Variants in JAZF1 observed in about 807,000 individuals in gnomAD.
JAZF1 encodes the protein juxtaposed with another zinc finger protein 1.
Under a neutral mutation model 26.4 loss-of-function variants are expected in JAZF1, and 8 were observed. The observed-to-expected ratio is 0.30, with a 90% CI of 0.18 to 0.55. The LOEUF is 0.55. JAZF1 is among the 20% of genes least tolerant of loss of function. The probability of loss-of-function intolerance (pLI) is 0.94; values close to 1 mark genes in which losing one functional copy is unlikely to be tolerated. For synonymous variants in JAZF1, 126 were observed against 122.3 expected (o/e 1.03, Z -0.20); for missense variants, 199 against 322.0 (o/e 0.62, Z 2.92).
intron 2 of JAZF1, among the ~76,000 whole-genome samples, chr7:27,900,491 A>C (rs928326185): frequency 2.6e-5 from 4 of 152,210 alleles, no homozygotes; most frequent in African/African-American, 9.6e-5. Flanking sequence ...GGTAGCTTGA[A>C]ATTGGCTATG....
intron 1 of JAZF1, among the ~76,000 whole-genome samples, chr7:28,134,624 T>C (rs1363250070): frequency 1.5e-5 from 2 of 137,518 alleles, no homozygotes; most frequent in African/African-American, 5.5e-5. Context: ...CTATCATTGT[T>C]TTAAATTTAC....
chr7:28,110,577 G>GGGAAAA (rs1413234631), intron 1 of JAZF1, among the ~76,000 whole-genome samples: 1 of 114,150 alleles, frequency 8.8e-6, no homozygotes, highest in Non-Finnish European at 1.7e-5. Context: ...AAAAGGGAAA[G>GGGAAAA]GGAAAAGGAA....
At chr7:28,155,946 A>AC (rs1227951228) in intron 1 of JAZF1, among the ~76,000 whole-genome samples, 1 of 152,218 alleles carries the variant, frequency 6.6e-6, no homozygotes, top group Non-Finnish European at 1.5e-5. Context: ...CCTACCTGAT[A>AC]AGGTGTCTAT....
At chr7:28,000,838 C>T (rs180899320) in intron 1 of JAZF1, among the ~76,000 whole-genome samples, 2 of 151,930 alleles carry the variant, frequency 1.3e-5, no homozygotes, top group Admixed American at 6.6e-5. Flanking sequence ...AGAGTGTTCT[C>T]GAACTCCTGG....
chr7:27,934,933 C>T (rs1784744180), intron 2 of JAZF1, among the ~76,000 whole-genome samples: 2 of 152,084 alleles, frequency 1.3e-5, no homozygotes, highest in Non-Finnish European at 2.9e-5. Context: ...AATAGGAGAA[C>T]ATATTTGCAA....
chr7:28,148,004 T>C (rs550731323), intron 1 of JAZF1, among the ~76,000 whole-genome samples: 2 of 152,160 alleles, frequency 1.3e-5, no homozygotes, highest in Admixed American at 6.5e-5. Context: ...TTTATCCCCA[T>C]GCAACTGGGT....
chr7:27,946,941 C>T (rs957996733), intron 2 of JAZF1, among the ~76,000 whole-genome samples: 1 of 151,938 alleles, frequency 6.6e-6, no homozygotes, highest in Admixed American at 6.6e-5. Context: ...ATGCTACTGC[C>T]CTAAAGAAAA....
chr7:28,022,694 A>C (rs1783026157), intron 1 of JAZF1, among the ~76,000 whole-genome samples: 1 of 152,188 alleles, frequency 6.6e-6, no homozygotes, highest in Admixed American at 6.5e-5. Context: ...AAATGGAGTC[A>C]GTCTTATCTT....
chr7:27,905,229 G>A (rs963655058), intron 2 of JAZF1, among the ~76,000 whole-genome samples: 2 of 152,160 alleles, frequency 1.3e-5, no homozygotes, highest in Non-Finnish European at 2.9e-5. Context: ...CTCCCAAAGT[G>A]CTAGGATTAC....
intron 2 of JAZF1, among the ~76,000 whole-genome samples, chr7:27,969,887 A>G (rs963779280): frequency 3.3e-5 from 5 of 152,122 alleles, no homozygotes; most frequent in African/African-American, 9.7e-5. Context: ...GCATCTTTTT[A>G]CCTTTGTATC....
rs182597725 is a variant in JAZF1 at position 28,067,913 on chromosome 7, T to C, written c.116-75932A>G. ...TCTCCTTCTGCTTCTAAGTAGTTTT[T>C]TTCGTTTGTTTGTTTTTGAGACAGA... On this transcript the variant is annotated intron_variant, in intron 1 of 4. Transcript: ENST00000283928. Among the ~76,000 whole-genome samples, 14 of 152,274 alleles carry C rather than the reference T, an allele frequency of 9.2e-5. 1 individual carries two copies. The East Asian group carries it at 1.9e-3, about 21-fold the overall frequency.
chr7:28,083,604 C>A (rs937317290), intron 1 of JAZF1, among the ~76,000 whole-genome samples: 2 of 152,090 alleles, frequency 1.3e-5, no homozygotes, highest in Non-Finnish European at 2.9e-5. Context: ...ATATGAAGTG[C>A]CAAGAGTGCT....
At chr7:28,119,294 T>A (rs1049268172) in intron 1 of JAZF1, among the ~76,000 whole-genome samples, 2 of 152,146 alleles carry the variant, frequency 1.3e-5, no homozygotes, top group African/African-American at 4.8e-5. Context: ...TGCCCTTATA[T>A]CATATCTAAG....
intron 1 of JAZF1, among the ~76,000 whole-genome samples, chr7:28,081,001 A>C (rs1784128567): frequency 1.3e-5 from 2 of 152,136 alleles, no homozygotes; most frequent in South Asian, 4.1e-4. Context: ...GTAGGGGGGA[A>C]GGGAGGGCAT....
chr7:28,086,944 C>T (rs917924861), intron 1 of JAZF1, among the ~76,000 whole-genome samples: 13 of 152,170 alleles, frequency 8.5e-5, no homozygotes, highest in Non-Finnish European at 1.9e-4. Context: ...GGAAATTTTC[C>T]TACCATTCAG....
chr7:27,979,305 T>C (rs1046575500), intron 2 of JAZF1, among the ~76,000 whole-genome samples: 3 of 151,260 alleles, frequency 2.0e-5, no homozygotes, highest in African/African-American at 7.3e-5. Flanking sequence ...TATGTTATTT[T>C]AATAAAAGCA....
chr7:28,019,262 C>T (rs1263835764), intron 1 of JAZF1, among the ~76,000 whole-genome samples: 1 of 152,180 alleles, frequency 6.6e-6, no homozygotes, highest in East Asian at 1.9e-4. Flanking sequence ...CACTGTACCT[C>T]CTGCCTTGCT....
At chr7:27,874,257 A>G (rs1258667448) in intron 3 of JAZF1, among the ~76,000 whole-genome samples, 1 of 152,242 alleles carries the variant, frequency 6.6e-6, no homozygotes, top group Non-Finnish European at 1.5e-5. Flanking sequence ...AGGCTGGGAA[A>G]ATCCCCAGGG....
At chr7:28,046,252 C>T (rs567425021) in intron 1 of JAZF1, among the ~76,000 whole-genome samples, 8 of 152,274 alleles carry the variant, frequency 5.3e-5, no homozygotes, top group East Asian at 1.9e-4. Context: ...CAAACTGAGG[C>T]GCAGAGAAGT....
Sources: allele counts gnomAD v4.1 joint callset (sites outside exome capture counted in the v4.1 genomes callset), GRCh38; gene constraint gnomAD v4.1.1; transcripts MANE v1.5; gene names NCBI Gene and HGNC (gene_info 2026-07-23, HGNC 2026-07-21).